Variants in MEF2A observed in about 807,000 individuals in gnomAD.
MEF2A encodes the protein myocyte-specific enhancer factor 2A.
A neutral mutation model predicts 55.8 loss-of-function variants in MEF2A; 28 were observed. That is an observed-to-expected ratio of 0.50 (90% CI 0.37 to 0.69). The LOEUF is 0.69. MEF2A is among the 30% of genes least tolerant of loss of function. The pLI is 0.00. For synonymous variants in MEF2A, 239 were observed against 227.1 expected, an observed-to-expected ratio of 1.05 and a Z score of -0.47; for missense variants, 528 against 626.2, an observed-to-expected ratio of 0.84 and a Z score of 1.67.
At chr15:99,622,738 T>C (rs1002547985) in intron 2 of MEF2A, among the ~76,000 whole-genome samples, 2 of 150,332 alleles carry the variant, frequency 1.3e-5, no homozygotes, top group East Asian at 2.0e-4. Flanking sequence ...AGTCTCGCTC[T>C]GTCACCCAGG....
At chr15:99,573,788 T>C (rs903339598) in intron 1 of MEF2A, among the ~76,000 whole-genome samples, 3 of 152,228 alleles carry the variant, frequency 2.0e-5, no homozygotes, top group African/African-American at 7.2e-5. Context: ...CCATTTGTAA[T>C]AGTGAAAGTC....
chr15:99,692,328 C>CT (rs964645579), intron 8 of MEF2A, among the ~76,000 whole-genome samples: 103 of 152,250 alleles, frequency 6.8e-4, no homozygotes, highest in African/African-American at 2.4e-3. Context: ...AAAACAAGTA[C>CT]TTTTTTATCT....
At chr15:99,646,264 C>T (rs2045946668) in intron 4 of MEF2A, among the ~76,000 whole-genome samples, 1 of 152,098 alleles carries the variant, frequency 6.6e-6, no homozygotes, top group African/African-American at 2.4e-5. Context: ...TGATAGCTCT[C>T]ATAGTTCTCC....
At chr15:99,601,890 A>G (rs930580554) in intron 2 of MEF2A, among the ~76,000 whole-genome samples, 1 of 150,380 alleles carries the variant, frequency 6.6e-6, no homozygotes, top group Non-Finnish European at 1.5e-5. Flanking sequence ...ATGAGTTAAA[A>G]TTTCTTGTTC....
At chr15:99,601,807 TTGTGTGTGTG>T (rs56729766) in intron 2 of MEF2A, among the ~76,000 whole-genome samples, 16,383 of 138,708 alleles carry the variant, frequency 0.12, 1,060 homozygotes, top group Admixed American at 0.16. Flanking sequence ...TTTGTCTGTT[TTGTGTGTGTG>T]TGTGTGTGTG....
At chr15:99,700,572 T>C (rs1182044382) in intron 8 of MEF2A, among the ~76,000 whole-genome samples, 4 of 152,174 alleles carry the variant, frequency 2.6e-5, no homozygotes, top group South Asian at 2.1e-4. Flanking sequence ...ATATATTTCC[T>C]AGCTCTGTTT....
At chr15:99,636,785 C>T (rs996467760) in intron 3 of MEF2A, among the ~76,000 whole-genome samples, 1 of 151,186 alleles carries the variant, frequency 6.6e-6, no homozygotes, top group East Asian at 1.9e-4. Flanking sequence ...TTCTTCTATG[C>T]TTTCTTCTGT....
chr15:99,708,932 A>G (rs2058329760), intron 10 of MEF2A, among the ~76,000 whole-genome samples: 1 of 152,202 alleles, frequency 6.6e-6, no homozygotes, highest in African/African-American at 2.4e-5. Flanking sequence ...TTGAGACTAG[A>G]GAGGTAAGTA....
intron 1 of MEF2A, among the ~76,000 whole-genome samples, chr15:99,589,898 C>G (rs1968667600): frequency 6.6e-6 from 1 of 151,974 alleles, no homozygotes; most frequent in South Asian, 2.1e-4. Flanking sequence ...ATTCATGTGT[C>G]TTGTTTTATG....
chr15:99,706,268 T>C (rs1226874898), intron 9 of MEF2A, among the ~76,000 whole-genome samples: 2 of 152,362 alleles, frequency 1.3e-5, no homozygotes, highest in East Asian at 3.9e-4. Context: ...AAGCCATGAC[T>C]TCAAACCGTG....
chr15:99,696,332 A>G (rs942597035), intron 8 of MEF2A, among the ~76,000 whole-genome samples: 1 of 152,262 alleles, frequency 6.6e-6, no homozygotes, highest in Non-Finnish European at 1.5e-5. Context: ...CACATGGAAC[A>G]TTCACCAAGA....
chr15:99,692,329 T>A (rs2055641292), intron 8 of MEF2A, among the ~76,000 whole-genome samples: 1 of 152,016 alleles, frequency 6.6e-6, no homozygotes, highest in African/African-American at 2.4e-5. Context: ...AAACAAGTAC[T>A]TTTTTATCTG....
intron 9 of MEF2A, among the ~76,000 whole-genome samples, chr15:99,703,881 A>G (rs1044204205): frequency 1.3e-5 from 2 of 152,202 alleles, no homozygotes; most frequent in Admixed American, 6.5e-5. Context: ...TTCCCTGTTT[A>G]CTAAAAGGAA....
chr15:99,712,372 CTCTT>C lies in MEF2A; in HGVS notation c.1137-16_1137-13del, dbSNP rs1288350270. On this transcript the variant is annotated splice_polypyrimidine_tract_variant and intron_variant, in intron 11 of 11. Transcript: ENST00000557942. The surrounding 1 kb of genome is among the most constrained non-coding windows in gnomAD (Gnocchi z 4.1). ...GGTACTTGCAAGCCATCTGACCTCT[CTCTT>C]TTTTTTCCTTCAGTGCTGGAGGGCA... The C allele has an allele frequency of 1.7e-5, 26 of 1,510,364 alleles. No homozygotes were observed. The highest frequency in any genetic ancestry group is 2.0e-5 in the Non-Finnish European group (23 of 1,122,446). The allele number at this position is 1,510,364 out of a possible 1,614,324, so 93.6% of individuals were successfully genotyped here. A position where few individuals can be genotyped will look rare whatever the true frequency, so the allele number is the denominator to read the frequency against.
chr15:99,666,977 C>G (rs1263594786), intron 4 of MEF2A, among the ~76,000 whole-genome samples: 1 of 152,192 alleles, frequency 6.6e-6, no homozygotes, highest in Non-Finnish European at 1.5e-5. Context: ...GCCACAGGCC[C>G]TGTCTTGTCA....
At chr15:99,576,982 C>T (rs1485531561) in intron 1 of MEF2A, among the ~76,000 whole-genome samples, 2 of 152,106 alleles carry the variant, frequency 1.3e-5, no homozygotes, top group South Asian at 2.1e-4. Context: ...ATTTTAAAAG[C>T]CTAATTCCTG....
At chr15:99,591,499 G>T (rs1969277517) in intron 1 of MEF2A, among the ~76,000 whole-genome samples, 1 of 152,032 alleles carries the variant, frequency 6.6e-6, no homozygotes, top group Non-Finnish European at 1.5e-5. Flanking sequence ...ATGTGCCTTG[G>T]TGTGGTTTCT....
chr15:99,587,713 T>A (rs878866163), intron 1 of MEF2A, among the ~76,000 whole-genome samples: 9 of 152,216 alleles, frequency 5.9e-5, no homozygotes. Flanking sequence ...TATAACATAT[T>A]TTTACAAAAC....
At chr15:99,700,143 C>G (rs1365480023) in intron 8 of MEF2A, among the ~76,000 whole-genome samples, 3 of 128,366 alleles carry the variant, frequency 2.3e-5, no homozygotes, top group Non-Finnish European at 4.9e-5. Flanking sequence ...CAGGCATGAG[C>G]CACTGTGCCC....
Sources: gnomAD v4.1 joint callset for allele counts (sites outside exome capture counted in the v4.1 genomes callset) on GRCh38, gnomAD v4.1.1 for gene constraint, Gnocchi (gnomAD v3.1) non-coding constraint, MANE v1.5 for transcripts, NCBI Gene and HGNC (gene_info 2026-07-23, HGNC 2026-07-21) for gene names.